The following AGMO variants were observed in gnomAD, a reference collection of about 807,000 sequenced individuals.
The protein encoded by AGMO is alkylglycerol monooxygenase, also known as glyceryl-ether monooxygenase.
In AGMO, 75 loss-of-function variants were observed where a neutral mutation model predicts 60.2. The ratio of observed to expected loss-of-function variants is 1.25; its 90% CI spans 1.03 to 1.51. AGMO has a LOEUF of 1.51. Ranked by LOEUF, AGMO falls within the 40% of genes most tolerant of loss-of-function variation. The probability of loss-of-function intolerance (pLI) is 0.00; values close to 1 mark genes in which losing one functional copy is unlikely to be tolerated. For synonymous variants in AGMO, 261 were observed against 177.1 expected (o/e 1.47, Z -3.76); for missense variants, 763 against 525.5 (o/e 1.45, Z -4.42).
the AGMO span, among the ~76,000 whole-genome samples, chr7:15,136,313 T>C: frequency 7.9e-6 from 1 of 126,896 alleles, no homozygotes; most frequent in East Asian, 2.2e-4. Flanking sequence ...TCTTGATGTG[T>C]CACATTGTAA....
intron 10 of AGMO, among the ~76,000 whole-genome samples, chr7:15,372,813 A>G (rs1783272003): frequency 6.6e-6 from 1 of 152,202 alleles, no homozygotes; most frequent in Non-Finnish European, 1.5e-5. Flanking sequence ...CATATAAAGT[A>G]TCTCTGTCCT....
chr7:15,482,248 A>G (rs895751002), intron 3 of AGMO, among the ~76,000 whole-genome samples: 1 of 152,084 alleles, frequency 6.6e-6, no homozygotes, highest in Non-Finnish European at 1.5e-5. Context: ...TTTGAAAAAA[A>G]TCAGTGCACC....
chr7:15,316,150 T>C (rs1780917906), intron 12 of AGMO, among the ~76,000 whole-genome samples: 2 of 152,152 alleles, frequency 1.3e-5, no homozygotes, highest in South Asian at 4.1e-4. Flanking sequence ...CATTGCATCT[T>C]GGTATTGGAG....
At chr7:15,466,247 G>C (rs1240221392) in intron 3 of AGMO, among the ~76,000 whole-genome samples, 1 of 152,086 alleles carries the variant, frequency 6.6e-6, no homozygotes, top group African/African-American at 2.4e-5. Flanking sequence ...TGTAGAAATG[G>C]AGCACAGAGA....
chr7:15,372,601 G>A (rs535154774), intron 10 of AGMO, among the ~76,000 whole-genome samples: 13 of 151,988 alleles, frequency 8.6e-5, no homozygotes, highest in South Asian at 8.3e-4. Context: ...GTATTTGCCC[G>A]TAAGACCACT....
At chr7:15,148,706 T>C in the AGMO span, among the ~76,000 whole-genome samples, 6 of 152,184 alleles carry the variant, frequency 3.9e-5, no homozygotes, top group Non-Finnish European at 7.3e-5. Context: ...GCATATTTTC[T>C]TTATCCAGTC....
chr7:15,320,985 C>G (rs1393989497), intron 12 of AGMO, among the ~76,000 whole-genome samples: 1 of 152,096 alleles, frequency 6.6e-6, no homozygotes, highest in East Asian at 1.9e-4. Flanking sequence ...TCCCTCACTC[C>G]CAACCACCCA....
intron 12 of AGMO, among the ~76,000 whole-genome samples, chr7:15,361,624 A>C (rs1782769449): frequency 6.6e-6 from 1 of 151,724 alleles, no homozygotes; most frequent in East Asian, 1.9e-4. Flanking sequence ...ATTAAAAAAA[A>C]GAAAGAGAGA....
At chr7:15,405,201 G>A (rs895605544) in intron 5 of AGMO, among the ~76,000 whole-genome samples, 1 of 151,602 alleles carries the variant, frequency 6.6e-6, no homozygotes, top group Non-Finnish European at 1.5e-5. Context: ...TCTTCTTGTC[G>A]CTTTCTCTGC....
intron 12 of AGMO, among the ~76,000 whole-genome samples, chr7:15,240,554 T>C (rs1782559268): frequency 6.6e-6 from 1 of 152,184 alleles, no homozygotes; most frequent in African/African-American, 2.4e-5. Flanking sequence ...TTTTATCCTT[T>C]ACATGGACAT....
intron 3 of AGMO, among the ~76,000 whole-genome samples, chr7:15,493,473 A>G (rs1455573758): frequency 2.1e-5 from 3 of 141,344 alleles, no homozygotes; most frequent in African/African-American, 5.4e-5. Context: ...TCCCGGGTTC[A>G]CGCCATTCTC....
At chr7:15,345,500 G>C (rs1347692204) in intron 12 of AGMO, among the ~76,000 whole-genome samples, 1 of 152,128 alleles carries the variant, frequency 6.6e-6, no homozygotes, top group South Asian at 2.1e-4. Context: ...AGTTCTTTTG[G>C]AGTGTGCTGT....
the AGMO span, among the ~76,000 whole-genome samples, chr7:15,144,651 G>A: frequency 6.6e-6 from 1 of 152,172 alleles, no homozygotes; most frequent in South Asian, 2.1e-4. Flanking sequence ...TTCTTCAGTT[G>A]TAATGATATG....
intron 12 of AGMO, among the ~76,000 whole-genome samples, chr7:15,209,881 C>G (rs1266138717): frequency 1.3e-5 from 2 of 152,104 alleles, no homozygotes; most frequent in African/African-American, 4.8e-5. Flanking sequence ...AGGCACCCAG[C>G]TGTTTTCAAT....
intron 12 of AGMO, among the ~76,000 whole-genome samples, chr7:15,271,767 A>C (rs961021214): frequency 2.0e-5 from 3 of 152,146 alleles, no homozygotes; most frequent in African/African-American, 4.8e-5. Context: ...AAATGCTTTT[A>C]CATTTTCCCC....
At chr7:15,532,312 A>G (rs1311060535) in intron 3 of AGMO, among the ~76,000 whole-genome samples, 4 of 152,194 alleles carry the variant, frequency 2.6e-5, no homozygotes, top group Non-Finnish European at 5.9e-5. Context: ...AGTAGGGTCA[A>G]GAAACGGCAA....
At chr7:15,317,907 GTA>G (rs538387774) in intron 12 of AGMO, among the ~76,000 whole-genome samples, 10,197 of 120,600 alleles carry the variant, frequency 0.085, 524 homozygotes, top group African/African-American at 0.15. Flanking sequence ...ACACACACAC[GTA>G]TATATATATA....
the AGMO span, among the ~76,000 whole-genome samples, chr7:15,158,845 CA>C: frequency 6.6e-6 from 1 of 151,190 alleles, no homozygotes; most frequent in Non-Finnish European, 1.5e-5. Context: ...GTGTACTCCT[CA>C]AAAAAAATAA....
intron 3 of AGMO, among the ~76,000 whole-genome samples, chr7:15,508,693 C>G (rs993152536): frequency 1.3e-5 from 2 of 151,694 alleles, no homozygotes; most frequent in African/African-American, 4.8e-5. Flanking sequence ...AGATAGTCCA[C>G]TTCTCATCCC....
Sources: allele counts gnomAD v4.1 joint callset (sites outside exome capture counted in the v4.1 genomes callset), GRCh38; gene constraint gnomAD v4.1.1; transcripts MANE v1.5; gene names NCBI Gene and HGNC (gene_info 2026-07-23, HGNC 2026-07-21).